FGF14: variants seen among roughly 807,000 people sequenced by gnomAD.
The protein encoded by FGF14 is fibroblast growth factor homologous factor 4.
Under a neutral mutation model 25.5 loss-of-function variants are expected in FGF14, and 5 were observed. That is an observed-to-expected ratio of 0.20 (90% CI 0.10 to 0.41). The LOEUF is 0.41. FGF14 is among the 10% of genes least tolerant of loss of function. The pLI, the probability that FGF14 is intolerant of heterozygous loss-of-function variation, is 1.00. For synonymous variants in FGF14, 138 were observed against 118.3 expected (o/e 1.17, Z -1.08); for missense variants, 222 against 320.1 (o/e 0.69, Z 2.34).
At chr13:101,851,712 C>T (rs187101952) in intron 3 of FGF14, among the ~76,000 whole-genome samples, 4 of 152,154 alleles carry the variant, frequency 2.6e-5, no homozygotes, top group Admixed American at 6.6e-5. Context: ...ATTTTAAGAG[C>T]CCTTGCTAAG....
At chr13:102,021,124 A>C (rs1421525028) in intron 1 of FGF14, among the ~76,000 whole-genome samples, 1 of 152,038 alleles carries the variant, frequency 6.6e-6, no homozygotes, top group Non-Finnish European at 1.5e-5. Flanking sequence ...AGGGCGCCAA[A>C]GAACAGAAGG....
chr13:101,777,857 G>T (rs1330468464), intron 3 of FGF14, among the ~76,000 whole-genome samples: 1 of 152,028 alleles, frequency 6.6e-6, no homozygotes. Context: ...CCAGCTAGTC[G>T]GGAGGCTAGG....
chr13:101,750,642 T>C (rs976001400), intron 3 of FGF14, among the ~76,000 whole-genome samples: 1 of 152,142 alleles, frequency 6.6e-6, no homozygotes, highest in Admixed American at 6.6e-5. Context: ...GGGGCTAGTA[T>C]GGTCACCAGA....
chr13:101,843,335 C>T (rs933153651), intron 3 of FGF14, among the ~76,000 whole-genome samples: 2 of 151,926 alleles, frequency 1.3e-5, no homozygotes, highest in Admixed American at 1.3e-4. Flanking sequence ...CATATTGCTA[C>T]ATCTACTGTA....
intron 1 of FGF14, among the ~76,000 whole-genome samples, chr13:102,325,212 A>C (rs1420485435): frequency 6.6e-6 from 1 of 152,146 alleles, no homozygotes; most frequent in African/African-American, 2.4e-5. Flanking sequence ...TGAAAAAATT[A>C]TACTGGGTTT....
intron 1 of FGF14, among the ~76,000 whole-genome samples, chr13:102,198,491 A>T (rs2049469538): frequency 6.6e-6 from 1 of 152,232 alleles, no homozygotes; most frequent in Admixed American, 6.5e-5. Context: ...GCAGCCACCT[A>T]GTCTTAAAAT....
At chr13:102,371,604 T>C (rs968206544) in intron 1 of FGF14, among the ~76,000 whole-genome samples, 16 of 152,176 alleles carry the variant, frequency 1.1e-4, no homozygotes, top group African/African-American at 3.6e-4. Context: ...CAGAGCTGTA[T>C]GATGAGCTCC....
intron 1 of FGF14, among the ~76,000 whole-genome samples, chr13:102,064,036 A>C (rs941690405): frequency 1.7e-4 from 26 of 152,212 alleles, no homozygotes; most frequent in Admixed American, 8.5e-4. Flanking sequence ...GAATGACAAT[A>C]AATAAAATAA....
At chr13:101,999,453 T>C (rs2039362196) in intron 1 of FGF14, among the ~76,000 whole-genome samples, 1 of 152,066 alleles carries the variant, frequency 6.6e-6, no homozygotes, top group Non-Finnish European at 1.5e-5. Context: ...AGCAAACTAT[T>C]TTGCAAAGTA....
chr13:102,027,490 G>A lies in FGF14; in HGVS notation c.209-152194C>T, dbSNP rs991315144. 1.6e-4 allele frequency among the ~76,000 whole-genome samples: 24 copies of A among 151,866 alleles called. 1 individual carries two copies. The highest frequency in any genetic ancestry group is 6.8e-3 in the Middle Eastern group (2 of 292). ...GGCTAGCAGGAAAGATAATTCTAAC[G>A]ATATTTTACACACCATGTTGCAAAG... On this transcript the variant is annotated intron_variant, in intron 1 of 4. Coordinates refer to the FGF14 transcript ENST00000376131.
chr13:101,936,494 G>A (rs897294744), intron 1 of FGF14, among the ~76,000 whole-genome samples: 12 of 152,160 alleles, frequency 7.9e-5, no homozygotes, highest in Non-Finnish European at 1.6e-4. Flanking sequence ...GTAACTATGA[G>A]AGGCAGGTGA....
chr13:101,918,721 A>G (rs1461549874), upstream of FGF14, among the ~76,000 whole-genome samples: 1 of 152,202 alleles, frequency 6.6e-6, no homozygotes, highest in Non-Finnish European at 1.5e-5. Flanking sequence ...CCTTCACTCC[A>G]CATTTACCAA....
chr13:101,755,511 G>A (rs2037588382), intron 3 of FGF14, among the ~76,000 whole-genome samples: 1 of 152,046 alleles, frequency 6.6e-6, no homozygotes, highest in Admixed American at 6.6e-5. Context: ...AAAAAAATGA[G>A]TAAATAAAAA....
chr13:101,986,745 G>T (rs917549493), intron 1 of FGF14, among the ~76,000 whole-genome samples: 1 of 152,028 alleles, frequency 6.6e-6, no homozygotes, highest in East Asian at 1.9e-4. Context: ...ATGTCTCATA[G>T]ACGTGTCAAA....
chr13:102,383,226 AAT>A (rs201059602), intron 1 of FGF14, among the ~76,000 whole-genome samples: 19 of 151,548 alleles, frequency 1.3e-4, no homozygotes, highest in East Asian at 1.9e-4. Flanking sequence ...CTTACATAAA[AAT>A]ATGTTATAAA....
At chr13:102,377,635 C>A (rs1257982447) in intron 1 of FGF14, among the ~76,000 whole-genome samples, 47 of 152,076 alleles carry the variant, frequency 3.1e-4, no homozygotes, top group Admixed American at 3.0e-3. Flanking sequence ...ATGGAGAAAC[C>A]CCATCTCTAC....
chr13:102,095,712 G>C lies in FGF14; in HGVS notation c.209-220416C>G, dbSNP rs535506106. Among the ~76,000 whole-genome samples the C allele has an allele frequency of 4.9e-4, 74 of 152,144 alleles. No individual in the cohort carries two copies. The South Asian group carries it at 0.015, about 30-fold the overall frequency. On this transcript the variant is annotated intron_variant, in intron 1 of 4. Transcript: ENST00000376131. ...TGATGATCCACTTCCACTTAATGAA[G>C]AGCAAGTATGTTTTCTATTCTTATA... is the stretch of plus-strand genomic sequence containing the variant.
intron 3 of FGF14, among the ~76,000 whole-genome samples, chr13:101,769,460 C>T (rs1418633268): frequency 6.6e-6 from 1 of 152,030 alleles, no homozygotes; most frequent in East Asian, 1.9e-4. Context: ...TTGATATGTA[C>T]CCTAAAATGC....
At chr13:101,853,342 G>A (rs2043954281) in intron 3 of FGF14, among the ~76,000 whole-genome samples, 1 of 152,082 alleles carries the variant, frequency 6.6e-6, no homozygotes. Flanking sequence ...AAGCAACTTT[G>A]ACACTAACCT....
Sources: allele counts gnomAD v4.1 joint callset (sites outside exome capture counted in the v4.1 genomes callset), GRCh38; gene constraint gnomAD v4.1.1; transcripts MANE v1.5; gene names NCBI Gene and HGNC (gene_info 2026-07-23, HGNC 2026-07-21).